MEI4: variants seen among roughly 807,000 people sequenced by gnomAD.
MEI4 encodes meiotic double-stranded break formation protein 4, also known as meiosis-specific protein MEI4.
Under a neutral mutation model 31.4 loss-of-function variants are expected in MEI4, and 27 were observed. The observed-to-expected ratio is 0.86, with a 90% CI of 0.63 to 1.19. The LOEUF (loss-of-function observed/expected upper bound fraction) is 1.19, where lower values mean the gene tolerates loss of function less well. Among genes scored for constraint, MEI4 ranks in the 50% most tolerant of loss-of-function variants. The probability of loss-of-function intolerance (pLI) is 0.00; values close to 1 mark genes in which losing one functional copy is unlikely to be tolerated. For synonymous variants in MEI4, 122 were observed against 145.4 expected (o/e 0.84, Z 1.16); for missense variants, 329 against 398.9 (o/e 0.82, Z 1.49).
intron 3 of MEI4, among the ~76,000 whole-genome samples, chr6:77,809,923 G>A (rs1769534922): frequency 6.6e-6 from 1 of 152,080 alleles, no homozygotes; most frequent in African/African-American, 2.4e-5. Context: ...CTCTAGTTGT[G>A]TGGCTCAGTG....
intron 4 of MEI4, among the ~76,000 whole-genome samples, chr6:77,915,256 T>A (rs1354290692): frequency 6.6e-6 from 1 of 152,098 alleles, no homozygotes; most frequent in Non-Finnish European, 1.5e-5. Context: ...TGTATTTCCA[T>A]AATGGTAGAT....
chr6:77,779,862 G>A (rs1314955313), intron 3 of MEI4, among the ~76,000 whole-genome samples: 1 of 152,132 alleles, frequency 6.6e-6, no homozygotes, highest in East Asian at 1.9e-4. Context: ...TATTTTTCCT[G>A]ATGAGAAAAT....
intron 3 of MEI4, among the ~76,000 whole-genome samples, chr6:77,810,596 G>A (rs1185601948): frequency 2.0e-5 from 3 of 152,044 alleles, no homozygotes; most frequent in African/African-American, 7.2e-5. Flanking sequence ...AGAATTCCTA[G>A]GCTGTCATTT....
chr6:77,733,616 C>T (rs4706656), intron 2 of MEI4, among the ~76,000 whole-genome samples: 149,719 of 151,982 alleles, frequency 0.99, 73,759 homozygotes, highest in East Asian at 1. Context: ...GTTTTTTGTG[C>T]CTCTATTTCC....
At chr6:77,799,907 A>G (rs1324090171) in intron 3 of MEI4, among the ~76,000 whole-genome samples, 1 of 152,040 alleles carries the variant, frequency 6.6e-6, no homozygotes, top group Non-Finnish European at 1.5e-5. Context: ...GCCTTGTAGT[A>G]TGATTTGAAG....
chr6:77,695,153 C>G (rs1360221601), intron 2 of MEI4, among the ~76,000 whole-genome samples: 1 of 152,054 alleles, frequency 6.6e-6, no homozygotes, highest in Non-Finnish European at 1.5e-5. Context: ...ATTGTAGATT[C>G]TGGATATTAG....
intron 4 of MEI4, among the ~76,000 whole-genome samples, chr6:77,861,326 T>C (rs186015590): frequency 1.4e-4 from 21 of 152,328 alleles, no homozygotes; most frequent in African/African-American, 5.0e-4. Flanking sequence ...TCTAAAAGCT[T>C]GATAAAGTTT....
chr6:77,689,094 A>C (rs1225956219), intron 1 of MEI4, among the ~76,000 whole-genome samples: 1 of 152,066 alleles, frequency 6.6e-6, no homozygotes, highest in Non-Finnish European at 1.5e-5. Flanking sequence ...TAATTGAATA[A>C]AATTAGAAAA....
At chr6:77,674,196 C>G (rs1768798998) in intron 1 of MEI4, among the ~76,000 whole-genome samples, 1 of 152,082 alleles carries the variant, frequency 6.6e-6, no homozygotes. Flanking sequence ...GACATTAATT[C>G]TTTATTCAAA....
At chr6:77,898,479 A>T (rs1581961640) in intron 4 of MEI4, among the ~76,000 whole-genome samples, 1 of 152,024 alleles carries the variant, frequency 6.6e-6, no homozygotes, top group Non-Finnish European at 1.5e-5. Context: ...GTGAACATTT[A>T]GTTTAACATT....
intron 4 of MEI4, among the ~76,000 whole-genome samples, chr6:77,845,608 G>C (rs150470847): frequency 6.6e-6 from 1 of 151,668 alleles, no homozygotes; most frequent in Non-Finnish European, 1.5e-5. Flanking sequence ...TTTTTATTTG[G>C]GATATTTCTT....
chr6:77,840,228 T>C (rs1770326283), intron 4 of MEI4, among the ~76,000 whole-genome samples: 1 of 152,148 alleles, frequency 6.6e-6, no homozygotes, highest in South Asian at 2.1e-4. Context: ...AAATATTCCC[T>C]GGATGGGCCC....
chr6:77,710,520 C>CG (rs1766436821), intron 2 of MEI4, among the ~76,000 whole-genome samples: 1 of 57,738 alleles, frequency 1.7e-5, no homozygotes, highest in African/African-American at 7.8e-5. Context: ...GACTCCATCT[C>CG]AAAAAAAAAA....
intron 4 of MEI4, among the ~76,000 whole-genome samples, chr6:77,877,715 C>CTT (rs56798153): frequency 0.36 from 44,829 of 125,530 alleles, 8,230 homozygotes; most frequent in African/African-American, 0.48. Context: ...AGCAGTCAGC[C>CTT]TTTTTTTTTT....
At chr6:77,736,404 C>A (rs930005295) in intron 2 of MEI4, among the ~76,000 whole-genome samples, 1 of 152,074 alleles carries the variant, frequency 6.6e-6, no homozygotes, top group African/African-American at 2.4e-5. Flanking sequence ...TTTCCAGGTG[C>A]CATCTGTCAC....
At chr6:77,714,282 C>T (rs1273832762) in intron 2 of MEI4, among the ~76,000 whole-genome samples, 1 of 151,768 alleles carries the variant, frequency 6.6e-6, no homozygotes, top group Non-Finnish European at 1.5e-5. Context: ...ACACCATAGT[C>T]TATAAAATGT....
At position 77,782,345 on chromosome 6, in the gene MEI4, A is replaced by C. The variant is rs530998099; in HGVS notation, c.768+20680A>C. On this transcript the variant is annotated intron_variant, in intron 3 of 4. Coordinates refer to ENST00000684080, the MANE Select transcript of MEI4 (RefSeq NM_001322247.2). The stretch of plus-strand genomic sequence containing the variant: ...TAAGGGAAAGGACTTCTGTCTCTAA[A>C]AGATATCTTCTTCATATACTCACAG... Among the ~76,000 whole-genome samples, 411 of 152,270 alleles carry C rather than the reference A, an allele frequency of 2.7e-3. 2 individuals carry two copies. Among genetic ancestry groups the C allele is most frequent in the Non-Finnish European group, 4.9e-3 (336 of 68,004 alleles).
intron 4 of MEI4, among the ~76,000 whole-genome samples, chr6:77,888,558 G>A (rs1025650399): frequency 6.6e-6 from 1 of 152,042 alleles, no homozygotes; most frequent in African/African-American, 2.4e-5. Context: ...CTCAGTATTT[G>A]TATGGGAAAG....
At position 77,661,312 on chromosome 6, in the gene MEI4, A is replaced by G. The variant is rs536809219; in HGVS notation, c.-15+8220A>G. Among the ~76,000 whole-genome samples, 14 of 152,270 alleles carry G rather than the reference A, an allele frequency of 9.2e-5. No homozygotes were observed. In the East Asian group the frequency reaches 2.5e-3, roughly 27 times the overall value. ...AAACTGCTTGGGTGATTTGACTAAT[A>G]AAGGCCGGTCCGTTATCAGACTGTA... On this transcript the variant is annotated intron_variant, in intron 1 of 4. Coordinates refer to ENST00000684080, the MANE Select transcript of MEI4 (RefSeq NM_001322247.2).
Sources: allele counts gnomAD v4.1 joint callset (sites outside exome capture counted in the v4.1 genomes callset), GRCh38; gene constraint gnomAD v4.1.1; transcripts MANE v1.5; gene names NCBI Gene and HGNC (gene_info 2026-07-23, HGNC 2026-07-21).